Variants in DOCK1 observed in about 807,000 individuals in gnomAD.
DOCK1 encodes dedicator of cytokinesis protein 1.
DOCK1 carries 138 observed loss-of-function variants against 262.7 expected under a neutral mutation model. The observed-to-expected ratio is 0.53, with a 90% CI of 0.46 to 0.61. The LOEUF is 0.61. Ranked by LOEUF, DOCK1 falls within the 20% of genes least tolerant of loss-of-function variation. DOCK1 has a pLI of 0.00. For missense variants in DOCK1, 1,908 were observed against 2,370.7 expected (o/e 0.80, Z 4.05); for synonymous variants, 866 against 867.4 (o/e 1.00, Z 0.03).
At chr10:127,004,428 A>G (rs1021806888) in intron 10 of DOCK1, among the ~76,000 whole-genome samples, 1 of 152,088 alleles carries the variant, frequency 6.6e-6, no homozygotes, top group Admixed American at 6.6e-5. Context: ...CTAACTGAAT[A>G]TGAGAAAAAT....
intron 34 of DOCK1, 75 bp downstream of exon 34, chr10:127,373,941 A>G (rs1477395911): frequency 3.2e-6 from 5 of 1,538,858 alleles, no homozygotes; most frequent in African/African-American, 1.4e-5. Context: ...ACTACAATGA[A>G]CTTTGTAACC....
intron 23 of DOCK1, among the ~76,000 whole-genome samples, chr10:127,080,775 T>A (rs2046854255): frequency 6.6e-6 from 1 of 152,354 alleles, no homozygotes; most frequent in African/African-American, 2.4e-5. Flanking sequence ...TTGACTTTCC[T>A]GTTCAATAAT....
At chr10:127,287,382 A>G (rs967197904) in intron 29 of DOCK1, among the ~76,000 whole-genome samples, 1 of 151,546 alleles carries the variant, frequency 6.6e-6, no homozygotes, top group Non-Finnish European at 1.5e-5. Context: ...TATAGCTGCA[A>G]TCTCACCATG....
chr10:127,080,892 G>T (rs1012959111), intron 23 of DOCK1, among the ~76,000 whole-genome samples: 3 of 152,104 alleles, frequency 2.0e-5, no homozygotes, highest in African/African-American at 7.2e-5. Context: ...GTGTGTAGTC[G>T]TTAGCTCATA....
chr10:127,322,787 G>A (rs2766046), intron 29 of DOCK1, among the ~76,000 whole-genome samples: 104,819 of 152,218 alleles, frequency 0.69, 37,677 homozygotes, highest in African/African-American at 0.9. Flanking sequence ...AGTGAATGCA[G>A]AAGAGACCAT....
At chr10:127,011,953 AAG>A (rs1235399086) in intron 11 of DOCK1, among the ~76,000 whole-genome samples, 1 of 152,090 alleles carries the variant, frequency 6.6e-6, no homozygotes, top group African/African-American at 2.4e-5. Context: ...TTTTAAACAC[AAG>A]AGTCTGATGG....
Position 127,018,837 on chromosome 10 carries a change from T to G in DOCK1, c.1327+2T>G, listed in dbSNP as rs1184258796. The G allele has an allele frequency of 6.2e-7, 1 of 1,613,826 alleles. No homozygotes were observed. Among genetic ancestry groups the G allele is most frequent in the South Asian group, 1.1e-5 (1 of 91,050 alleles). On this transcript the variant is annotated splice_donor_variant, in intron 13 of 51. Coordinates refer to ENST00000623213, the MANE Select transcript of DOCK1 (RefSeq NM_001290223.2). LOFTEE classifies it high-confidence loss of function. ...GGTTTCCGGAGATAATCATGCCTGGTAAGAACTGGCTTGTTCAGGGCTTCT... is the reference window on the plus strand; with the variant it reads ...GGTTTCCGGAGATAATCATGCCTGGGAAGAACTGGCTTGTTCAGGGCTTCT...
At chr10:127,336,850 T>C (rs1415626807) in intron 29 of DOCK1, among the ~76,000 whole-genome samples, 1 of 152,250 alleles carries the variant, frequency 6.6e-6, no homozygotes, top group Non-Finnish European at 1.5e-5. Context: ...ACATATTTCT[T>C]TAAGTCATTT....
chr10:127,341,290 A>T (rs1277240238), intron 30 of DOCK1, among the ~76,000 whole-genome samples: 1 of 152,208 alleles, frequency 6.6e-6, no homozygotes, highest in African/African-American at 2.4e-5. Context: ...ATTATCCTAG[A>T]GGCTTAATCC....
intron 23 of DOCK1, among the ~76,000 whole-genome samples, chr10:127,065,513 C>T (rs2045810222): frequency 6.6e-6 from 1 of 152,146 alleles, no homozygotes; most frequent in Non-Finnish European, 1.5e-5. Context: ...CTGGGGTGTA[C>T]AGATGCCTCT....
intron 27 of DOCK1, among the ~76,000 whole-genome samples, chr10:127,153,267 A>G (rs1196775363): frequency 6.6e-6 from 1 of 152,216 alleles, no homozygotes; most frequent in East Asian, 1.9e-4. Flanking sequence ...TGCAGGCCAA[A>G]CACAGCTTCT....
At position 127,061,581 on chromosome 10, in the gene DOCK1, G is replaced by A. The variant is rs2045532546; in HGVS notation, c.2337-87G>A. The A allele has an allele frequency of 5.4e-6, 6 of 1,118,820 alleles. No homozygotes were observed. In the Admixed American group the frequency reaches 8.5e-5, roughly 16 times the overall value. 69.3% of individuals were successfully genotyped at this position (1,118,820 alleles called of 1,614,324 possible). On this transcript the variant is annotated intron_variant, in intron 22 of 51. Transcript: ENST00000623213. ...TCTCTCATTCTAACTTGTCACCCAA[G>A]TGATTCCCTTCATGGCTATAGACAT...
chr10:127,184,730 C>A (rs1422064688), intron 27 of DOCK1, among the ~76,000 whole-genome samples: 1 of 152,220 alleles, frequency 6.6e-6, no homozygotes, highest in Non-Finnish European at 1.5e-5. Context: ...CATGGTCAGT[C>A]TCTACTTTGT....
intron 22 of DOCK1, among the ~76,000 whole-genome samples, chr10:127,055,103 T>C (rs2045043807): frequency 6.6e-6 from 1 of 152,180 alleles, no homozygotes; most frequent in African/African-American, 2.4e-5. Flanking sequence ...TGCTTAGGAA[T>C]ATGATTGGCT....
At chr10:127,021,906 C>G (rs1394664710) in intron 13 of DOCK1, among the ~76,000 whole-genome samples, 1 of 152,076 alleles carries the variant, frequency 6.6e-6, no homozygotes, top group East Asian at 1.9e-4. Context: ...GGTCTTCAGC[C>G]AGAATGGGCA....
At chr10:127,082,647 A>G (rs549887960) in intron 23 of DOCK1, among the ~76,000 whole-genome samples, 21 of 151,924 alleles carry the variant, frequency 1.4e-4, no homozygotes, top group East Asian at 1.2e-3. Flanking sequence ...TAAAGATGCA[A>G]TTTGGGTGGG....
At chr10:127,078,045 A>T (rs1012804601) in intron 23 of DOCK1, among the ~76,000 whole-genome samples, 10 of 152,012 alleles carry the variant, frequency 6.6e-5, no homozygotes, top group African/African-American at 2.4e-4. Flanking sequence ...AGGAATTTGG[A>T]CGAGGAGGTG....
chr10:126,954,591 C>T (rs943329923), intron 1 of DOCK1, among the ~76,000 whole-genome samples: 5 of 152,166 alleles, frequency 3.3e-5, no homozygotes, highest in African/African-American at 4.8e-5. Context: ...AACTCCCATT[C>T]CCTCCTCCTC....
chr10:127,330,761 T>C (rs2062941792), intron 29 of DOCK1, among the ~76,000 whole-genome samples: 1 of 152,130 alleles, frequency 6.6e-6, no homozygotes, highest in Non-Finnish European at 1.5e-5. Flanking sequence ...GCTGAGTGGG[T>C]TGGCTAAGTA....
Sources: gnomAD v4.1 joint callset for allele counts (sites outside exome capture counted in the v4.1 genomes callset) on GRCh38, gnomAD v4.1.1 for gene constraint, MANE v1.5 for transcripts, NCBI Gene and HGNC (gene_info 2026-07-23, HGNC 2026-07-21) for gene names.